The following SERPINA5 variants were observed in gnomAD, a reference collection of about 807,000 sequenced individuals.
The protein encoded by SERPINA5 is plasma serine protease inhibitor.
SERPINA5 carries 25 observed loss-of-function variants against 25.3 expected under a neutral mutation model. The ratio of observed to expected loss-of-function variants is 0.99; its 90% confidence interval spans 0.72 to 1.38. The LOEUF (loss-of-function observed/expected upper bound fraction) is 1.38, where lower values mean the gene tolerates loss of function less well. Among genes scored for constraint, SERPINA5 ranks in the 40% most tolerant of loss-of-function variants. The pLI is 0.00. For missense variants in SERPINA5, 599 were observed against 509.5 expected, an observed-to-expected ratio of 1.18 and a Z score of -1.69; for synonymous variants, 234 against 206.2, an observed-to-expected ratio of 1.14 and a Z score of -1.16.
intron 5 of SERPINA5, 77 bp from the exon 6 acceptor site, chr14:94,591,980 G>A: frequency 6.7e-7 from 1 of 1,492,966 alleles, no homozygotes; most frequent in Non-Finnish European, 9.1e-7. Flanking sequence ...GATGCCCATA[G>A]GCAGAAGCTT....
chr14:94,587,467 T>G lies in SERPINA5; in HGVS notation c.105T>G (p.His35Gln), dbSNP rs141185188. 2.9e-4 allele frequency: 465 copies of G among 1,614,050 alleles called. No homozygotes were observed. The highest frequency in any genetic ancestry group is 3.8e-4 in the Non-Finnish European group (449 of 1,180,034). Residue 35 changes from histidine to glutamine, a missense_variant, in exon 3 of 6, where the codon CAT becomes CAG. His to Gln is a conservative substitution (Grantham distance 24). Coordinates refer to ENST00000329597, the MANE Select transcript of SERPINA5 (RefSeq NM_000624.6). ...TGAAGAAGAGAGTCGAGGACCTCCATGTAGGTGCCACGGTGGCCCCCAGCA... is the reference window on the plus strand; with the variant it reads ...TGAAGAAGAGAGTCGAGGACCTCCAGGTAGGTGCCACGGTGGCCCCCAGCA... ...REMKKRVEDL[H>Q]VGATVAPSSR...
chr14:94,590,221 T>C lies in SERPINA5; in HGVS notation c.800T>C (p.Phe267Ser), dbSNP rs372699109. The change falls in exon 4 of 6, where the codon TTC (phenylalanine) becomes TCC (serine). Residue 267 changes from phenylalanine to serine, a missense_variant. Phe to Ser is a radical substitution (Grantham distance 155). Transcript: ENST00000329597. ...VPYQGNATALFILPSEGKMQQ... is the reference protein window; with the variant it reads ...VPYQGNATALSILPSEGKMQQ... ...TACCAAGGCAATGCCACGGCTTTGT[T>C]CATTCTCCCCAGTGAGGGAAAGATG... The C allele has an allele frequency of 6.2e-7, 1 of 1,614,050 alleles. No homozygotes were observed. The highest frequency in any genetic ancestry group is 8.5e-7 in the Non-Finnish European group (1 of 1,179,932).
In SERPINA5 at chr14:94,587,421, A is replaced by G; in HGVS notation, c.59A>G (p.His20Arg). 6.2e-7 allele frequency: 1 copy of G among 1,613,634 alleles called. No individual in the cohort carries two copies. The highest frequency in any genetic ancestry group is 8.5e-7 in the Non-Finnish European group (1 of 1,179,840). ...VLLSPQGASL[H>R]RHHPREMKKR... ...CTCAGCCCTCAGGGGGCCTCCCTTC[A>G]CCGCCACCACCCCCGGGAGATGAAG... The change falls in exon 3 of 6, where the codon CAC becomes CGC. Residue 20 changes from histidine (H) to arginine (R), a missense_variant. Coordinates refer to ENST00000329597, the MANE Select transcript of SERPINA5 (RefSeq NM_000624.6).
chr14:94,590,980 C>T, intron 5 of SERPINA5, 84 bp downstream of exon 5: 1 of 1,378,488 alleles, frequency 7.3e-7, no homozygotes, highest in Non-Finnish European at 9.8e-7. Flanking sequence ...CATTTCATTC[C>T]ATTCCATTCC....
Position 94,590,778 on chromosome 14 carries a change from C to T in SERPINA5, c.920C>T (p.Ser307Phe). Residue 307 changes from serine to phenylalanine, a missense_variant, in exon 5 of 6, where the codon TCC becomes TTC. By Grantham distance (155) the Ser-to-Phe change is radical. Coordinates refer to ENST00000329597, the MANE Select transcript of SERPINA5 (RefSeq NM_000624.6). ...CTCGAGCTTTACCTTCCCAAATTCT[C>T]CATTGAGGGCTCCTATCAGCTGGAG... ...RQLELYLPKF[S>F]IEGSYQLEKV... is the part of the protein sequence containing the mutation. 2 of 1,614,032 alleles carry T rather than the reference C, an allele frequency of 1.2e-6. No individual in the cohort carries two copies. The highest frequency in any genetic ancestry group is 1.7e-6 in the Non-Finnish European group (2 of 1,179,952).
At chr14:94,591,923 C>T in intron 5 of SERPINA5, 134 bp from the exon 6 acceptor site, 2 of 980,074 alleles carry the variant, frequency 2.0e-6, no homozygotes, top group Non-Finnish European at 3.0e-6. Flanking sequence ...TCCATTGTTC[C>T]ATTTCCTACT....
In SERPINA5 at chr14:94,585,764, C is replaced by CGTGTGTGTGTGTGT. The variant is rs3138588; in HGVS notation, c.-17-1555_-17-1542dup. 8.0e-3 allele frequency among the ~76,000 whole-genome samples: 1,170 copies of CGTGTGTGTGTGTGT among 145,832 alleles called. 5 individuals carry two copies. The highest frequency in any genetic ancestry group is 0.011 in the Middle Eastern group (3 of 284). On this transcript the variant is annotated intron_variant, in intron 2 of 5. Transcript: ENST00000329597. ...CAGCCTGGGTGCTGTCAGGCTCACA[C>CGTGTGTGTGTGTGT]GTGTGTGTGTGTGTGTGTGTGTGTG...
At chr14:94,590,701 G>T (rs1021710546) in intron 4 of SERPINA5, 48 bp from the exon 5 acceptor site, 2 of 1,579,602 alleles carry the variant, frequency 1.3e-6, no homozygotes, top group Non-Finnish European at 1.7e-6. Flanking sequence ...GAGGCTCAGT[G>T]TGCCAATGCC....
intron 4 of SERPINA5, 60 bp downstream of exon 4, chr14:94,590,371 G>C (rs771519170): frequency 6.6e-7 from 1 of 1,519,650 alleles, no homozygotes; most frequent in Non-Finnish European, 8.8e-7. Context: ...AGACACACAC[G>C]CCCTACCAGG....
intron 5 of SERPINA5, among the ~76,000 whole-genome samples, chr14:94,591,811 T>C (rs917485799): frequency 5.3e-5 from 8 of 152,258 alleles, no homozygotes; most frequent in Middle Eastern, 3.4e-3. Flanking sequence ...CTCTCTTCTA[T>C]AAAATTGAAG....
chr14:94,590,273 G>T lies in SERPINA5; in HGVS notation c.852G>T (p.Glu284Asp). The T allele has an allele frequency of 1.2e-6, 2 of 1,610,838 alleles. No individual in the cohort carries two copies. The highest frequency in any genetic ancestry group is 1.7e-6 in the Non-Finnish European group (2 of 1,177,472). The change falls in exon 4 of 6, where the codon GAG becomes GAT. Residue 284 changes from glutamate (E) to aspartate (D), a missense_variant. By Grantham distance (45) the Glu-to-Asp change is conservative. Transcript: ENST00000329597. Reference sequence around the variant, plus strand: ...AGCAGGTGGAGAATGGACTGAGTGAGAAAACGCTGAGGAAGTGGCTTAAGA... The same window carrying T: ...AGCAGGTGGAGAATGGACTGAGTGATAAAACGCTGAGGAAGTGGCTTAAGA... ...KMQQVENGLSEKTLRKWLKMF... is the reference protein window; with the variant it reads ...KMQQVENGLSDKTLRKWLKMF...
rs766297699 is a variant in SERPINA5 at position 94,587,677 on chromosome 14, G to C, written c.315G>C (p.Lys105Asn). The C allele has an allele frequency of 1.2e-6, 2 of 1,614,098 alleles. No homozygotes were observed. Among genetic ancestry groups the C allele is most frequent in the Admixed American group, 3.3e-5 (2 of 60,012 alleles). Residue 105 changes from lysine to asparagine, a missense_variant, in exon 3 of 6, where the codon AAG becomes AAC. Physicochemically the swap from Lys to Asn is moderately conservative, Grantham distance 94. Coordinates refer to ENST00000329597, the MANE Select transcript of SERPINA5 (RefSeq NM_000624.6). Reference protein sequence around the residue: ...LGLNLQKSSEKELHRGFQQLL... With the variant: ...LGLNLQKSSENELHRGFQQLL... The stretch of plus-strand genomic sequence containing the variant: ...TCAACCTCCAGAAAAGCTCAGAGAA[G>C]GAGCTGCACAGAGGCTTTCAGCAGC...
intron 2 of SERPINA5, among the ~76,000 whole-genome samples, chr14:94,584,004 T>G (rs1173820861): frequency 6.6e-6 from 1 of 152,236 alleles, no homozygotes; most frequent in Non-Finnish European, 1.5e-5. Flanking sequence ...GTGACCTCTC[T>G]GACCCTCTGT....
intron 2 of SERPINA5, among the ~76,000 whole-genome samples, chr14:94,585,017 G>A (rs1885029282): frequency 6.6e-6 from 1 of 152,204 alleles, no homozygotes; most frequent in Non-Finnish European, 1.5e-5. Context: ...GCAGATTAGG[G>A]CTATTGTTGG....
intron 2 of SERPINA5, chr14:94,582,302 GA>G (rs1884941800): frequency 6.6e-6 from 1 of 152,240 alleles, no homozygotes; most frequent in Non-Finnish European, 1.5e-5. Flanking sequence ...CATAGATCAG[GA>G]AACCGAAGCA....
intron 2 of SERPINA5, among the ~76,000 whole-genome samples, chr14:94,585,679 G>T (rs575026052): frequency 6.6e-6 from 1 of 152,120 alleles, no homozygotes; most frequent in African/African-American, 2.4e-5. Flanking sequence ...CCTCCAAGGC[G>T]ACACACAGGG....
intron 2 of SERPINA5, among the ~76,000 whole-genome samples, chr14:94,586,323 C>A (rs1330176212): frequency 2.0e-5 from 3 of 152,194 alleles, no homozygotes; most frequent in Non-Finnish European, 4.4e-5. Context: ...GGGGCTTCAA[C>A]AACAGAAATT....
intron 2 of SERPINA5, among the ~76,000 whole-genome samples, chr14:94,583,278 A>G (rs1884972346): frequency 6.6e-6 from 1 of 152,230 alleles, no homozygotes; most frequent in Non-Finnish European, 1.5e-5. Flanking sequence ...AAAGAAAGGA[A>G]GCTACTGGGG....
chr14:94,584,207 C>T (rs10130996), intron 2 of SERPINA5, among the ~76,000 whole-genome samples: 44,650 of 151,906 alleles, frequency 0.29, 6,782 homozygotes, highest in South Asian at 0.34. Flanking sequence ...CCGGTTCCAT[C>T]ACTCAGTAGC....
Sources: gnomAD v4.1 joint callset for allele counts (sites outside exome capture counted in the v4.1 genomes callset) on GRCh38, gnomAD v4.1.1 for gene constraint, MANE v1.5 for transcripts, NCBI Gene and HGNC (gene_info 2026-07-23, HGNC 2026-07-21) for gene names.